Variants in WDFY2 observed in about 807,000 individuals in gnomAD.
WDFY2 encodes the protein WD repeat and FYVE domain containing 2, also known as WD repeat and FYVE domain-containing protein 2.
A neutral mutation model predicts 56.4 loss-of-function variants in WDFY2; 36 were observed. The observed-to-expected ratio is 0.64, with a 90% CI of 0.49 to 0.84. The LOEUF is 0.84. Among genes scored for constraint, WDFY2 ranks in the 40% least tolerant of loss-of-function variants. WDFY2 has a pLI of 0.00. For synonymous variants in WDFY2, 176 were observed against 183.7 expected (o/e 0.96, Z 0.34); for missense variants, 444 against 512.2 (o/e 0.87, Z 1.29).
intron 4 of WDFY2, among the ~76,000 whole-genome samples, chr13:51,715,267 C>A (rs1952318475): frequency 6.6e-6 from 1 of 152,162 alleles, no homozygotes; most frequent in Non-Finnish European, 1.5e-5. Context: ...AGCTTTTCAA[C>A]TTTTTTGTAA....
intron 1 of WDFY2, among the ~76,000 whole-genome samples, chr13:51,638,882 T>G (rs890153105): frequency 1.1e-4 from 16 of 152,228 alleles, no homozygotes; most frequent in Non-Finnish European, 1.3e-4. Flanking sequence ...TCAAGATTCT[T>G]TGGAATTTCA....
At chr13:51,706,726 A>T (rs1333135277) in intron 4 of WDFY2, among the ~76,000 whole-genome samples, 4 of 152,222 alleles carry the variant, frequency 2.6e-5, no homozygotes, top group Admixed American at 2.6e-4. Flanking sequence ...TACTTGCTAG[A>T]AATCAATGCA....
At chr13:51,706,248 A>G (rs898678523) in intron 4 of WDFY2, among the ~76,000 whole-genome samples, 1 of 152,246 alleles carries the variant, frequency 6.6e-6, no homozygotes, top group Non-Finnish European at 1.5e-5. Context: ...TACTAGGCTC[A>G]TGGGAGATAC....
intron 1 of WDFY2, chr13:51,585,920 T>C (rs192990709): frequency 3.7e-4 from 148 of 397,986 alleles, no homozygotes; most frequent in African/African-American, 2.6e-3. Context: ...GATAGGTTTG[T>C]TCATGTCTTA....
At chr13:51,730,345 G>A (rs1413149784) in intron 6 of WDFY2, among the ~76,000 whole-genome samples, 2 of 152,142 alleles carry the variant, frequency 1.3e-5, no homozygotes, top group South Asian at 2.1e-4. Flanking sequence ...ATTTTACATT[G>A]TGGCCATTCC....
rs1363569641 is a variant in WDFY2, at chr13:51,665,286, T to C, written c.205+4623T>C. Among the ~76,000 whole-genome samples the C allele has an allele frequency of 7.2e-5, 11 of 152,236 alleles. No individual in the cohort carries two copies. The East Asian group carries it at 2.1e-3, about 29-fold the overall frequency. ...CCCTTGGTGTATCTTACGTAGTAGC[T>C]GCACATTGCCTGTGACAGTATCAAC... On this transcript the variant is annotated intron_variant, in intron 2 of 11. Coordinates refer to ENST00000298125, the MANE Select transcript of WDFY2 (RefSeq NM_052950.4).
intron 1 of WDFY2, chr13:51,590,541 G>T (rs1322301702): frequency 6.6e-6 from 1 of 152,196 alleles, no homozygotes; most frequent in Non-Finnish European, 1.5e-5. Flanking sequence ...TAAGTAGATT[G>T]TGATTTAAGA....
chr13:51,749,475 T>C (rs1451160910), intron 7 of WDFY2, among the ~76,000 whole-genome samples: 1 of 152,170 alleles, frequency 6.6e-6, no homozygotes, highest in Non-Finnish European at 1.5e-5. Context: ...CTAATTTATA[T>C]TTCATAGAGA....
chr13:51,635,286 A>G (rs9526786), intron 1 of WDFY2, among the ~76,000 whole-genome samples: 20,738 of 152,182 alleles, frequency 0.14, 1,769 homozygotes, highest in South Asian at 0.23. Flanking sequence ...TGAGAGAGAA[A>G]TTATGACGTG....
chr13:51,762,825 C>G lies in WDFY2; in HGVS notation c.*3056C>G, dbSNP rs141897658. On this transcript the variant is annotated 3_prime_UTR_variant, in exon 12 of 12. Transcript: ENST00000298125. ...GCGCTGAGAAAGTGGCAGATCTACA[C>G]ATATCATACGCAGAGTTGTTCTCTA... The G allele has an allele frequency of 1.3e-5, 2 of 152,372 alleles. No homozygotes were observed. Among genetic ancestry groups the G allele is most frequent in the East Asian group, 3.9e-4 (2 of 5,194 alleles). The allele number at this position is 152,372 out of a possible 1,614,324, so 9.4% of individuals were successfully genotyped here. A position where few individuals can be genotyped will look rare whatever the true frequency, so the allele number is the denominator to read the frequency against.
chr13:51,616,945 A>G (rs545945554), intron 1 of WDFY2, among the ~76,000 whole-genome samples: 5 of 152,364 alleles, frequency 3.3e-5, no homozygotes, highest in South Asian at 4.1e-4. Context: ...ATGGTTTTCT[A>G]TTTATTAAAT....
chr13:51,732,204 C>T (rs1396187151), intron 6 of WDFY2, among the ~76,000 whole-genome samples: 2 of 152,188 alleles, frequency 1.3e-5, no homozygotes, highest in Non-Finnish European at 1.5e-5. Flanking sequence ...GATCTTGGCT[C>T]ACTGCAACCT....
chr13:51,731,074 G>A (rs1952712502), intron 6 of WDFY2, among the ~76,000 whole-genome samples: 1 of 152,198 alleles, frequency 6.6e-6, no homozygotes, highest in Non-Finnish European at 1.5e-5. Flanking sequence ...CCTTGAGATG[G>A]GACTGTGACA....
chr13:51,628,666 T>C (rs1474439765), intron 1 of WDFY2, among the ~76,000 whole-genome samples: 1 of 152,200 alleles, frequency 6.6e-6, no homozygotes, highest in Non-Finnish European at 1.5e-5. Context: ...TGGCCACGGC[T>C]GCCATCGGAA....
At chr13:51,686,045 C>T (rs764768423) in intron 3 of WDFY2, among the ~76,000 whole-genome samples, 1 of 152,126 alleles carries the variant, frequency 6.6e-6, no homozygotes, top group Non-Finnish European at 1.5e-5. Flanking sequence ...TTGTTTTATT[C>T]TCTTCCCTCC....
At chr13:51,625,770 C>A (rs768403600) in intron 1 of WDFY2, among the ~76,000 whole-genome samples, 1 of 152,230 alleles carries the variant, frequency 6.6e-6, no homozygotes, top group Non-Finnish European at 1.5e-5. Flanking sequence ...CCAACACTGG[C>A]TGAGGGCGGA....
chr13:51,733,886 T>G (rs1952777533), intron 6 of WDFY2, among the ~76,000 whole-genome samples: 1 of 152,116 alleles, frequency 6.6e-6, no homozygotes, highest in Non-Finnish European at 1.5e-5. Context: ...AACTGAACAC[T>G]TCCCTGGGGT....
chr13:51,715,341 G>A (rs1327017948), intron 4 of WDFY2, among the ~76,000 whole-genome samples: 1 of 151,812 alleles, frequency 6.6e-6, no homozygotes, highest in Non-Finnish European at 1.5e-5. Flanking sequence ...TATTCTCTAG[G>A]TTTTTTGGTT....
chr13:51,589,360 C>G (rs1019552860), intron 1 of WDFY2: 2 of 151,848 alleles, frequency 1.3e-5, no homozygotes, highest in Non-Finnish European at 2.9e-5. Context: ...TTTTCTGCTT[C>G]GAGGGCCTTT....
Sources: gnomAD v4.1 joint callset for allele counts (sites outside exome capture counted in the v4.1 genomes callset) on GRCh38, gnomAD v4.1.1 for gene constraint, MANE v1.5 for transcripts, NCBI Gene and HGNC (gene_info 2026-07-23, HGNC 2026-07-21) for gene names.